Variants in DCDC1 observed in about 807,000 individuals in gnomAD.
DCDC1 encodes the protein doublecortin domain-containing protein 1.
In DCDC1, 200 loss-of-function variants were observed where a neutral mutation model predicts 178.3. That is an observed-to-expected ratio of 1.12 (90% confidence interval 1.00 to 1.26). The LOEUF (loss-of-function observed/expected upper bound fraction) is 1.26. Ranked by LOEUF, DCDC1 falls within the 50% of genes most tolerant of loss-of-function variation. The pLI is 0.00. For synonymous variants in DCDC1, 690 were observed against 604.8 expected (o/e 1.14, Z -2.07); for missense variants, 1,983 against 1,749.2 (o/e 1.13, Z -2.38).
At chr11:30,879,054 CTT>C (rs1172955580) in intron 37 of DCDC1, among the ~76,000 whole-genome samples, 4 of 152,070 alleles carry the variant, frequency 2.6e-5, no homozygotes, top group African/African-American at 7.2e-5. Context: ...ATAAAACACT[CTT>C]TTAATTTTGT....
intron 32 of DCDC1, among the ~76,000 whole-genome samples, 195 bp from the exon 33 acceptor site, chr11:30,900,693 A>T (rs1944597040): frequency 1.3e-5 from 2 of 152,112 alleles, no homozygotes; most frequent in South Asian, 2.1e-4. Context: ...AACTAATAAG[A>T]TTGTAAATAT....
At chr11:31,135,939 T>G (rs932284028) in intron 10 of DCDC1, among the ~76,000 whole-genome samples, 6 of 152,110 alleles carry the variant, frequency 3.9e-5, no homozygotes, top group African/African-American at 1.2e-4. Flanking sequence ...CAAGGCCACT[T>G]CAAGTTTTTA....
chr11:31,276,129 G>A (rs1945967970), intron 7 of DCDC1, among the ~76,000 whole-genome samples: 1 of 151,488 alleles, frequency 6.6e-6, no homozygotes, highest in Non-Finnish European at 1.5e-5. Flanking sequence ...TCTGTTATTT[G>A]CAGCTAATGT....
Position 31,094,111 on chromosome 11 carries a change from C to T in DCDC1, c.2057G>A (p.Ser686Asn), listed in dbSNP as rs373385665. The T allele has an allele frequency of 2.1e-5, 16 of 766,230 alleles. No homozygotes were observed. The African/African-American group carries it at 2.2e-4, about 11-fold the overall frequency. 47.5% of individuals were successfully genotyped at this position (766,230 alleles called of 1,614,324 possible). A position where few individuals can be genotyped will look rare whatever the true frequency, so the allele number is the denominator to read the frequency against. The change falls in exon 16 of 39, where the codon AGC becomes AAC. Residue 686 changes from serine to asparagine, a missense_variant. Transcript: ENST00000684477. ...GATCGATGGCGCTATTTGACTCCTG[C>T]TGCTTGCTTCACTGCCTGAGAAACT... is the stretch of plus-strand genomic sequence containing the variant. ...KWSFSGSEAS[S>N]RSQIAPSILW...
At chr11:31,349,714 A>G (rs1428056399) in intron 1 of DCDC1, among the ~76,000 whole-genome samples, 1 of 152,172 alleles carries the variant, frequency 6.6e-6, no homozygotes, top group African/African-American at 2.4e-5. Flanking sequence ...CAGTTCATAT[A>G]CATGGCTGTT....
At chr11:30,981,050 G>A (rs1950371043) in intron 20 of DCDC1, among the ~76,000 whole-genome samples, 1 of 152,154 alleles carries the variant, frequency 6.6e-6, no homozygotes, top group Non-Finnish European at 1.5e-5. Flanking sequence ...AACGTGGATG[G>A]AGCTGGAGGT....
intron 9 of DCDC1, among the ~76,000 whole-genome samples, chr11:31,228,892 G>A (rs576977332): frequency 6.6e-6 from 1 of 151,936 alleles, no homozygotes; most frequent in African/African-American, 2.4e-5. Flanking sequence ...GAACATGGAG[G>A]AATACTGGAA....
chr11:31,329,770 G>A (rs191592058), intron 2 of DCDC1, among the ~76,000 whole-genome samples: 3 of 152,152 alleles, frequency 2.0e-5, no homozygotes, highest in Non-Finnish European at 2.9e-5. Flanking sequence ...TGGTGTACAT[G>A]TGCCACACTT....
At chr11:31,246,340 C>T (rs1943563111) in intron 8 of DCDC1, among the ~76,000 whole-genome samples, 1 of 151,880 alleles carries the variant, frequency 6.6e-6, no homozygotes, top group African/African-American at 2.4e-5. Flanking sequence ...AAAGAAACTT[C>T]TATATATTCT....
chr11:31,053,305 C>T (rs568707359), intron 20 of DCDC1, among the ~76,000 whole-genome samples: 126 of 152,142 alleles, frequency 8.3e-4, no homozygotes, highest in South Asian at 3.3e-3. Context: ...CCTGAATAGA[C>T]TAATAACAAG....
At chr11:31,247,002 G>A in intron 8 of DCDC1, among the ~76,000 whole-genome samples, 1 of 152,010 alleles carries the variant, frequency 6.6e-6, no homozygotes, top group Admixed American at 6.6e-5. Context: ...CTATTAAACT[G>A]ACGGCATATT....
chr11:31,182,609 A>C (rs181799278), intron 9 of DCDC1, among the ~76,000 whole-genome samples: 1 of 152,236 alleles, frequency 6.6e-6, no homozygotes, highest in East Asian at 1.9e-4. Flanking sequence ...AACAACAACA[A>C]CAACAACAAC....
intron 20 of DCDC1, among the ~76,000 whole-genome samples, chr11:31,013,582 T>C (rs1356150691): frequency 1.3e-5 from 2 of 152,198 alleles, no homozygotes; most frequent in African/African-American, 4.8e-5. Context: ...TGCTCTTTCA[T>C]ATATACAGTA....
At chr11:31,086,005 T>C (rs184850987) in intron 17 of DCDC1, among the ~76,000 whole-genome samples, 1 of 152,242 alleles carries the variant, frequency 6.6e-6, no homozygotes, top group Non-Finnish European at 1.5e-5. Flanking sequence ...AGTTCTGGGA[T>C]TACAGGTGTG....
At chr11:31,262,280 A>AC (rs1327359570) in intron 8 of DCDC1, among the ~76,000 whole-genome samples, 3 of 151,864 alleles carry the variant, frequency 2.0e-5, no homozygotes, top group Non-Finnish European at 4.4e-5. Context: ...AAAAAAAAAA[A>AC]AAAATTGTCT....
chr11:31,340,937 G>C (rs1011414284), intron 1 of DCDC1, among the ~76,000 whole-genome samples: 16 of 152,154 alleles, frequency 1.1e-4, no homozygotes, highest in Admixed American at 6.5e-5. Flanking sequence ...GAAATTGGTG[G>C]AGGGTGAGAG....
intron 16 of DCDC1, among the ~76,000 whole-genome samples, chr11:31,092,313 T>C (rs1957866703): frequency 6.6e-6 from 1 of 152,194 alleles, no homozygotes; most frequent in South Asian, 2.1e-4. Flanking sequence ...ACGAAAAATA[T>C]TTCTAAAAAA....
chr11:31,170,879 G>C (rs1017521272), intron 9 of DCDC1, among the ~76,000 whole-genome samples: 1 of 151,856 alleles, frequency 6.6e-6, no homozygotes, highest in Non-Finnish European at 1.5e-5. Flanking sequence ...GCCCAGGCTG[G>C]AGTGCAATAG....
chr11:31,148,269 G>A (rs1021009551), intron 9 of DCDC1, among the ~76,000 whole-genome samples: 10 of 150,254 alleles, frequency 6.7e-5, no homozygotes, highest in South Asian at 2.1e-4. Flanking sequence ...ATTTAAGGCC[G>A]GGCGCCGTGG....
Sources: allele counts gnomAD v4.1 joint callset (sites outside exome capture counted in the v4.1 genomes callset), GRCh38; gene constraint gnomAD v4.1.1; transcripts MANE v1.5; gene names NCBI Gene and HGNC (gene_info 2026-07-23, HGNC 2026-07-21).